Variants in SLC45A4 observed in about 807,000 individuals in gnomAD.
SLC45A4 encodes the protein solute carrier family 45 member 4, also known as polyamine-transporter SLC45A4.
SLC45A4 carries 32 observed loss-of-function variants against 63.7 expected under a neutral mutation model. The observed-to-expected ratio is 0.50, with a 90% CI of 0.38 to 0.67. SLC45A4 has a LOEUF of 0.67. SLC45A4 is among the 30% of genes least tolerant of loss of function. The pLI is 0.00. For missense variants in SLC45A4, 1,027 were observed against 1,157.7 expected (o/e 0.89, Z 1.64); for synonymous variants, 535 against 510.0 (o/e 1.05, Z -0.66).
At chr8:141,267,215 C>T (rs913578295) in intron 1 of SLC45A4, among the ~76,000 whole-genome samples, 2 of 152,254 alleles carry the variant, frequency 1.3e-5, no homozygotes, top group African/African-American at 2.4e-5. Flanking sequence ...GCCTCAGCAG[C>T]TTCACTGCTG....
chr8:141,217,167 C>G lies in SLC45A4; in HGVS notation c.1652G>C (p.Trp551Ser). 6.2e-7 allele frequency: 1 copy of G among 1,613,846 alleles called. No homozygotes were observed. The change falls in exon 6 of 9, where the codon TGG becomes TCG. Residue 551 changes from tryptophan to serine, a missense_variant. Coordinates refer to ENST00000517878, the MANE Select transcript of SLC45A4 (RefSeq NM_001286646.2). ...DPKAPSNSTA[W>S]QAYNAGVKMG... Reference sequence around the variant, plus strand: ...CTTGACCCCGGCGTTGTAGGCTTGCCAGGCGGTCGAGTTCGAGGGGGCCTG... The same window carrying G: ...CTTGACCCCGGCGTTGTAGGCTTGCGAGGCGGTCGAGTTCGAGGGGGCCTG...
chr8:141,247,442 G>A (rs72681570), intron 2 of SLC45A4, among the ~76,000 whole-genome samples: 8,047 of 152,226 alleles, frequency 0.053, 252 homozygotes, highest in Middle Eastern at 0.079. Flanking sequence ...TTCATGGATC[G>A]AAGGACTCGA....
At chr8:141,299,278 G>A (rs145786612) in intron 1 of SLC45A4, among the ~76,000 whole-genome samples, 468 of 152,358 alleles carry the variant, frequency 3.1e-3, no homozygotes, top group Middle Eastern at 0.01. Context: ...ATGTTTCTAC[G>A]GAAGGAGAAA....
chr8:141,290,146 T>G (rs1402935386), intron 1 of SLC45A4, among the ~76,000 whole-genome samples: 1 of 152,196 alleles, frequency 6.6e-6, no homozygotes, highest in Admixed American at 6.5e-5. Context: ...TGTATGTATA[T>G]ATTATACATG....
At chr8:141,288,821 C>A (rs1000038814) in intron 1 of SLC45A4, among the ~76,000 whole-genome samples, 1 of 152,234 alleles carries the variant, frequency 6.6e-6, no homozygotes, top group Non-Finnish European at 1.5e-5. Context: ...GACAGGAAGA[C>A]GAGGGCAAGG....
chr8:141,237,537 G>A (rs1232478935), intron 2 of SLC45A4, among the ~76,000 whole-genome samples: 1 of 152,162 alleles, frequency 6.6e-6, no homozygotes, highest in African/African-American at 2.4e-5. Flanking sequence ...CTTACCTTTA[G>A]AAGCGAGCAG....
chr8:141,223,119 G>A (rs1189102056), intron 2 of SLC45A4, among the ~76,000 whole-genome samples: 1 of 152,204 alleles, frequency 6.6e-6, no homozygotes, highest in Admixed American at 6.5e-5. Context: ...CAGAGGAGGA[G>A]GGAAGCACCT....
Position 141,279,250 on chromosome 8 carries a change from C to T in SLC45A4, c.-400-24621G>A, listed in dbSNP as rs554071413. On this transcript the variant is annotated intron_variant, in intron 1 of 8. Transcript: ENST00000517878. Reference sequence around the variant, plus strand: ...AGGCGGCCTTTCCTTGCCTCCCATCCGCCTACTCAGAAGCCCAGGATGGCT... The same window carrying T: ...AGGCGGCCTTTCCTTGCCTCCCATCTGCCTACTCAGAAGCCCAGGATGGCT... Among the ~76,000 whole-genome samples, 7 of 152,358 alleles carry T rather than the reference C, an allele frequency of 4.6e-5. 1 individual carries two copies. The highest frequency in any genetic ancestry group is 9.6e-5 in the African/African-American group (4 of 41,584).
At chr8:141,273,700 T>G (rs1245806431) in intron 1 of SLC45A4, among the ~76,000 whole-genome samples, 6 of 152,104 alleles carry the variant, frequency 3.9e-5, no homozygotes, top group African/African-American at 1.4e-4. Context: ...TTGATGGTTC[T>G]TCCATGTAAA....
chr8:141,216,049 C>T (rs558063871), intron 6 of SLC45A4, 79 bp from the exon 7 acceptor site: 14 of 1,309,540 alleles, frequency 1.1e-5, no homozygotes, highest in South Asian at 7.7e-5. Context: ...TCCCTCCCCT[C>T]GCCCCCCACA....
intron 1 of SLC45A4, among the ~76,000 whole-genome samples, chr8:141,302,207 G>C (rs1197060737): frequency 6.6e-6 from 1 of 152,084 alleles, no homozygotes; most frequent in Non-Finnish European, 1.5e-5. Flanking sequence ...TTTCAAATTA[G>C]GACCAAAAAT....
chr8:141,268,105 A>C (rs1260750707), intron 1 of SLC45A4, among the ~76,000 whole-genome samples: 2 of 152,204 alleles, frequency 1.3e-5, no homozygotes, highest in Non-Finnish European at 2.9e-5. Flanking sequence ...GAACATCCAG[A>C]TGATGGAATG....
Position 141,218,470 on chromosome 8 carries a change from G to C in SLC45A4, c.1170C>G (p.Pro390=), listed in dbSNP as rs746275501. ...EAKVPNGSGS[P]TKDALGGYTR... ...TGTAGCCGCCGAGGGCGTCTTTTGT[G>C]GGGGAGCCACTTCCGTTTGGGACTT... is the stretch of plus-strand genomic sequence containing the variant. The change falls in exon 5 of 9, where the codon CCC becomes CCG. Residue 390 remains proline, a synonymous_variant. Transcript: ENST00000517878. 23 of 1,612,964 alleles carry C rather than the reference G, an allele frequency of 1.4e-5. No individual in the cohort carries two copies. Among genetic ancestry groups the C allele is most frequent in the East Asian group, 4.5e-5 (2 of 44,882 alleles).
intron 1 of SLC45A4, among the ~76,000 whole-genome samples, chr8:141,283,524 T>C (rs535186480): frequency 5.9e-4 from 90 of 152,316 alleles, no homozygotes; most frequent in Admixed American, 1.7e-3. Flanking sequence ...CAGAAATCAA[T>C]TCCAGGCATC....
chr8:141,272,029 G>C (rs112754979), intron 1 of SLC45A4, among the ~76,000 whole-genome samples: 51 of 151,396 alleles, frequency 3.4e-4, no homozygotes, highest in African/African-American at 1.2e-3. Context: ...GTACACACAT[G>C]CATTCACACA....
intron 1 of SLC45A4, among the ~76,000 whole-genome samples, chr8:141,294,100 G>C (rs1313611412): frequency 1.3e-5 from 2 of 152,168 alleles, no homozygotes; most frequent in Non-Finnish European, 2.9e-5. Flanking sequence ...CTGCAGACCA[G>C]GAGGACCTGA....
At chr8:141,232,732 A>G (rs1333422477) in intron 2 of SLC45A4, among the ~76,000 whole-genome samples, 1 of 150,910 alleles carries the variant, frequency 6.6e-6, no homozygotes, top group African/African-American at 2.4e-5. Flanking sequence ...CTCAACACAG[A>G]CATTCAGTGG....
chr8:141,263,781 A>AAAAAAT (rs1554598339), intron 1 of SLC45A4, among the ~76,000 whole-genome samples: 10 of 140,332 alleles, frequency 7.1e-5, no homozygotes, highest in South Asian at 2.3e-4. Flanking sequence ...AAAAAAAAAA[A>AAAAAAT]AATAAAAATA....
At position 141,221,578 on chromosome 8, in the gene SLC45A4, G is replaced by A. The variant is rs758143214; in HGVS notation, c.429C>T (p.Ile143=). 1.6e-5 allele frequency: 25 copies of A among 1,611,408 alleles called. No individual in the cohort carries two copies. The highest frequency in any genetic ancestry group is 5.5e-5 in the South Asian group (5 of 90,986). ...ACCAGGTGTGGCCGAGAAACTTACC[G>A]ATGGCAGAGCCGTTAAGGAAAAGTG... ...GVALFLNGSA[I]GLALGDVPNR... Residue 143 remains isoleucine, a splice_region_variant and synonymous_variant, in exon 3 of 9, where the codon ATC becomes ATT. Transcript: ENST00000517878.
Sources: allele counts gnomAD v4.1 joint callset (sites outside exome capture counted in the v4.1 genomes callset), GRCh38; gene constraint gnomAD v4.1.1; transcripts MANE v1.5; gene names NCBI Gene and HGNC (gene_info 2026-07-23, HGNC 2026-07-21).